The following ASPH variants were observed in gnomAD, a reference collection of about 807,000 sequenced individuals.
The protein encoded by ASPH is aspartate beta-hydroxylase, also known as aspartyl/asparaginyl beta-hydroxylase.
Under a neutral mutation model 118.4 loss-of-function variants are expected in ASPH, and 100 were observed. That is an observed-to-expected ratio of 0.84 (90% CI 0.72 to 1.00). The LOEUF (loss-of-function observed/expected upper bound fraction) is 1.00. Among genes scored for constraint, ASPH ranks in the 50% least tolerant of loss-of-function variants. The pLI is 0.00. For synonymous variants in ASPH, 315 were observed against 325.6 expected (o/e 0.97, Z 0.35); for missense variants, 920 against 919.5 (o/e 1.00, Z -0.01).
At chr8:61,590,860 C>G (rs913251837) in intron 14 of ASPH, among the ~76,000 whole-genome samples, 1 of 152,040 alleles carries the variant, frequency 6.6e-6, no homozygotes, top group Non-Finnish European at 1.5e-5. Flanking sequence ...TATATTTTAA[C>G]TTTTGAGACC....
At chr8:61,577,399 CA>C (rs775523503) in intron 15 of ASPH, among the ~76,000 whole-genome samples, 255 of 23,240 alleles carry the variant, frequency 0.011, 1 homozygote, top group South Asian at 0.013. Context: ...CCCAATCTCG[CA>C]AAAAAAAAAA....
intron 3 of ASPH, among the ~76,000 whole-genome samples, chr8:61,667,332 T>G (rs556247564): frequency 1.3e-5 from 2 of 152,308 alleles, no homozygotes; most frequent in South Asian, 2.1e-4. Flanking sequence ...ACTGAGCTGT[T>G]AGTCTACAAA....
At chr8:61,708,683 A>G (rs1483676051) in intron 1 of ASPH, among the ~76,000 whole-genome samples, 1 of 152,248 alleles carries the variant, frequency 6.6e-6, no homozygotes, top group Non-Finnish European at 1.5e-5. Flanking sequence ...TGGTTGTGAA[A>G]TAAAATTATC....
chr8:61,614,612 C>T lies in ASPH; in HGVS notation c.976+4366G>A, dbSNP rs574650635. Reference sequence around the variant, plus strand: ...ACTCCCGAGTAGCTGGGACTACAGGCGCATGCTACCATGCCTGGCTACGTG... The same window carrying T: ...ACTCCCGAGTAGCTGGGACTACAGGTGCATGCTACCATGCCTGGCTACGTG... On this transcript the variant is annotated intron_variant, in intron 14 of 24. Coordinates refer to ENST00000379454, the MANE Select transcript of ASPH (RefSeq NM_004318.4). Among the ~76,000 whole-genome samples the T allele has an allele frequency of 4.6e-5, 7 of 152,102 alleles. No individual in the cohort carries two copies. The East Asian group carries it at 9.6e-4, about 21-fold the overall frequency.
At chr8:61,654,083 ATAAT>A (rs1246614463) in intron 3 of ASPH, among the ~76,000 whole-genome samples, 3 of 152,216 alleles carry the variant, frequency 2.0e-5, no homozygotes, top group Non-Finnish European at 4.4e-5. Context: ...TTTCACTTAT[ATAAT>A]TATTTATTCT....
intron 16 of ASPH, among the ~76,000 whole-genome samples, chr8:61,575,721 C>T (rs1834917199): frequency 6.6e-6 from 1 of 152,122 alleles, no homozygotes; most frequent in Admixed American, 6.5e-5. Flanking sequence ...TTAAAAAAAC[C>T]TCTCTGGCTA....
At chr8:61,532,376 T>C (rs979543405) in intron 21 of ASPH, among the ~76,000 whole-genome samples, 4 of 152,172 alleles carry the variant, frequency 2.6e-5, no homozygotes, top group African/African-American at 9.7e-5. Context: ...TTAAATTGGG[T>C]TATTCAGTTT....
intron 21 of ASPH, 31 bp downstream of exon 21, chr8:61,548,040 C>G (rs748530404): frequency 6.4e-7 from 1 of 1,572,318 alleles, no homozygotes; most frequent in Admixed American, 1.8e-5. Context: ...AGACAAAGAT[C>G]TGGTGAGGAT....
chr8:61,513,512 A>G (rs1809675821), intron 24 of ASPH, among the ~76,000 whole-genome samples: 2 of 152,214 alleles, frequency 1.3e-5, no homozygotes, highest in Non-Finnish European at 2.9e-5. Context: ...AACGTGGAGA[A>G]GGGCTGCTGA....
intron 3 of ASPH, chr8:61,661,295 T>A (rs1816783360): frequency 6.6e-6 from 1 of 152,226 alleles, no homozygotes; most frequent in South Asian, 2.1e-4. Flanking sequence ...AACCCCTGAC[T>A]GAGACGTTTT....
At chr8:61,698,380 A>G (rs971511190) in intron 1 of ASPH, among the ~76,000 whole-genome samples, 2 of 152,268 alleles carry the variant, frequency 1.3e-5, no homozygotes, top group African/African-American at 4.8e-5. Context: ...TTTACTACAT[A>G]TGGAAAAGCC....
At chr8:61,556,266 G>C (rs985206594) in intron 18 of ASPH, among the ~76,000 whole-genome samples, 1 of 152,104 alleles carries the variant, frequency 6.6e-6, no homozygotes, top group Non-Finnish European at 1.5e-5. Context: ...CAAGAATGAA[G>C]AAATGAATGA....
chr8:61,525,444 C>T (rs1391622985), intron 22 of ASPH, among the ~76,000 whole-genome samples: 1 of 151,964 alleles, frequency 6.6e-6, no homozygotes, highest in Non-Finnish European at 1.5e-5. Context: ...TCAGTATGAG[C>T]CACTTCCTAT....
chr8:61,579,583 C>T (rs1244373278), intron 15 of ASPH: 1 of 1,521,256 alleles, frequency 6.6e-7, no homozygotes, highest in East Asian at 2.2e-5. Context: ...CTCAGCCGCA[C>T]CAGTTCCTCC....
At chr8:61,545,322 T>C (rs1823433111) in intron 21 of ASPH, among the ~76,000 whole-genome samples, 1 of 152,226 alleles carries the variant, frequency 6.6e-6, no homozygotes, top group Non-Finnish European at 1.5e-5. Context: ...CACCAGACAC[T>C]GAATCTGCTA....
intron 21 of ASPH, among the ~76,000 whole-genome samples, chr8:61,527,435 G>T (rs753930245): frequency 6.6e-6 from 1 of 152,204 alleles, no homozygotes; most frequent in Admixed American, 6.5e-5. Context: ...TGGAAACATG[G>T]TGCCAGCCCC....
chr8:61,653,054 G>A (rs1270655648), intron 4 of ASPH, among the ~76,000 whole-genome samples: 1 of 152,152 alleles, frequency 6.6e-6, no homozygotes, highest in Non-Finnish European at 1.5e-5. Flanking sequence ...ATAGTCATAG[G>A]CTTTGGGGTA....
chr8:61,593,296 T>A (rs1385380293), intron 14 of ASPH, among the ~76,000 whole-genome samples: 1 of 152,210 alleles, frequency 6.6e-6, no homozygotes, highest in Non-Finnish European at 1.5e-5. Flanking sequence ...TCTAACACGA[T>A]CTACTCTATA....
intron 18 of ASPH, among the ~76,000 whole-genome samples, chr8:61,558,592 G>A (rs1828715366): frequency 6.6e-6 from 1 of 152,148 alleles, no homozygotes; most frequent in Admixed American, 6.5e-5. Context: ...GGACAGCCAT[G>A]TGTCCCATTC....
Sources: allele counts gnomAD v4.1 joint callset (sites outside exome capture counted in the v4.1 genomes callset), GRCh38; gene constraint gnomAD v4.1.1; transcripts MANE v1.5; gene names NCBI Gene and HGNC (gene_info 2026-07-23, HGNC 2026-07-21).